Variants in TBCK observed in about 807,000 individuals in gnomAD.
TBCK encodes TBC1 domain containing kinase, also known as TBC domain-containing protein kinase-like protein.
A neutral mutation model predicts 113.4 loss-of-function variants in TBCK; 99 were observed. That is an observed-to-expected ratio of 0.87 (90% CI 0.74 to 1.03). The LOEUF (loss-of-function observed/expected upper bound fraction) is 1.03. Ranked by LOEUF, TBCK falls within the 50% of genes least tolerant of loss-of-function variation. The probability of loss-of-function intolerance (pLI) is 0.00; values close to 1 mark genes in which losing one functional copy is unlikely to be tolerated. For missense variants in TBCK, 1,045 were observed against 1,061.3 expected (o/e 0.98, Z 0.21); for synonymous variants, 369 against 370.8 (o/e 1.00, Z 0.05).
chr4:106,183,652 T>A (rs1752664905), intron 22 of TBCK, among the ~76,000 whole-genome samples: 1 of 152,068 alleles, frequency 6.6e-6, no homozygotes, highest in Non-Finnish European at 1.5e-5. Context: ...GGACACAATT[T>A]CCTGACCAGC....
chr4:106,235,398 T>C, intron 14 of TBCK, 31 bp from the exon 15 acceptor site: 1 of 1,445,854 alleles, frequency 6.9e-7, no homozygotes, highest in Non-Finnish European at 9.5e-7. Flanking sequence ...TGAAAACGTC[T>C]CAAATTACCT....
intron 25 of TBCK, among the ~76,000 whole-genome samples, chr4:106,073,012 G>A (rs1198002125): frequency 6.6e-6 from 1 of 152,116 alleles, no homozygotes; most frequent in Non-Finnish European, 1.5e-5. Flanking sequence ...CCTTTTTCAA[G>A]GATTTTAGCT....
intron 24 of TBCK, among the ~76,000 whole-genome samples, chr4:106,115,416 T>A (rs1235169607): frequency 1.3e-5 from 2 of 152,200 alleles, no homozygotes; most frequent in Non-Finnish European, 2.9e-5. Flanking sequence ...TTTTAGCATA[T>A]AAGAAACCAT....
chr4:106,107,887 A>G (rs1742366439), intron 24 of TBCK, among the ~76,000 whole-genome samples: 1 of 152,208 alleles, frequency 6.6e-6, no homozygotes, highest in Non-Finnish European at 1.5e-5. Context: ...GCCACTAGCT[A>G]GACTAAGAAG....
chr4:106,272,427 AT>A (rs931618439), intron 3 of TBCK, among the ~76,000 whole-genome samples: 5 of 150,264 alleles, frequency 3.3e-5, no homozygotes, highest in South Asian at 2.1e-4. Context: ...GCTGATGACA[AT>A]TTTTTTTTCA....
At chr4:106,201,719 T>C (rs999869528) in intron 20 of TBCK, among the ~76,000 whole-genome samples, 1 of 151,936 alleles carries the variant, frequency 6.6e-6, no homozygotes, top group African/African-American at 2.4e-5. Flanking sequence ...GGGGGATAAT[T>C]TTCTTGATTT....
intron 5 of TBCK, among the ~76,000 whole-genome samples, chr4:106,258,014 T>A (rs1470935966): frequency 1.3e-5 from 2 of 152,068 alleles, no homozygotes; most frequent in African/African-American, 4.8e-5. Context: ...TACAGGTAAA[T>A]TGTTATATCA....
intron 20 of TBCK, among the ~76,000 whole-genome samples, chr4:106,205,029 T>A (rs1222284492): frequency 2.0e-5 from 3 of 151,390 alleles, no homozygotes; most frequent in Non-Finnish European, 4.4e-5. Flanking sequence ...CCTCCCAAAG[T>A]GCTGGGATTA....
At chr4:106,309,305 CTTTTTTTT>C (rs536969885) in intron 1 of TBCK, among the ~76,000 whole-genome samples, 14 of 103,164 alleles carry the variant, frequency 1.4e-4, no homozygotes, top group South Asian at 6.2e-4. Context: ...AGGCTCTTCT[CTTTTTTTT>C]TTTTTTTTTT....
Position 106,308,834 on chromosome 4 carries a change from G to C in TBCK, c.127C>G (p.Gln43Glu). 1.9e-6 allele frequency: 3 copies of C among 1,614,172 alleles called. No individual in the cohort carries two copies. Among genetic ancestry groups the C allele is most frequent in the Non-Finnish European group, 2.5e-6 (3 of 1,180,016 alleles). ...PNSIKILGRF[Q>E]ILKTITHPRL... ...GGATGGGTGATGGTTTTAAGGATTTGAAAGCGCCCTAAAATTTTGATGGAA... is the reference window on the plus strand; with the variant it reads ...GGATGGGTGATGGTTTTAAGGATTTCAAAGCGCCCTAAAATTTTGATGGAA... The change falls in exon 2 of 26, where the codon CAA becomes GAA. Residue 43 changes from glutamine to glutamate, a missense_variant. Transcript: ENST00000394708.
chr4:106,112,283 A>T (rs572663027), intron 24 of TBCK, among the ~76,000 whole-genome samples: 1 of 152,292 alleles, frequency 6.6e-6, no homozygotes, highest in African/African-American at 2.4e-5. Flanking sequence ...TTATCTATGG[A>T]CCTGCAAATA....
At chr4:106,212,879 C>T (rs372666421) in intron 19 of TBCK, 44 bp from the exon 20 acceptor site, 10 of 1,176,460 alleles carry the variant, frequency 8.5e-6, no homozygotes, top group Non-Finnish European at 1.1e-5. Flanking sequence ...TTACACAGTA[C>T]TCCAAGAACA....
At position 106,074,123 on chromosome 4, in the gene TBCK, G is replaced by A. The variant is rs183807386; in HGVS notation, c.2571+21359C>T. ...AGCTTGCCCATGGGCTGCACCCACT[G>A]TCCAAGCAGTCCCAATGAGATGAAC... On this transcript the variant is annotated intron_variant, in intron 25 of 25. Coordinates refer to ENST00000394708, the MANE Select transcript of TBCK (RefSeq NM_001163435.3). Among the ~76,000 whole-genome samples, 235 of 152,254 alleles carry A rather than the reference G, an allele frequency of 1.5e-3. 1 individual carries two copies. Among genetic ancestry groups the A allele is most frequent in the African/African-American group, 5.5e-3 (228 of 41,564 alleles).
At chr4:106,274,679 G>C (rs950744379) in intron 3 of TBCK, among the ~76,000 whole-genome samples, 4 of 152,166 alleles carry the variant, frequency 2.6e-5, no homozygotes, top group Non-Finnish European at 5.9e-5. Context: ...GGAGAGAGAA[G>C]GCGAGGGACT....
chr4:106,276,675 C>A (rs1764057665), intron 3 of TBCK, among the ~76,000 whole-genome samples: 1 of 152,078 alleles, frequency 6.6e-6, no homozygotes, highest in Non-Finnish European at 1.5e-5. Flanking sequence ...GGTTGATCAC[C>A]TGAGGTCAAG....
At chr4:106,071,808 T>C (rs1286888620) in intron 25 of TBCK, among the ~76,000 whole-genome samples, 1 of 152,232 alleles carries the variant, frequency 6.6e-6, no homozygotes, top group African/African-American at 2.4e-5. Flanking sequence ...ATATTTAGGA[T>C]AGTTAGCTCT....
intron 22 of TBCK, among the ~76,000 whole-genome samples, chr4:106,175,024 G>A (rs138965082): frequency 1.3e-5 from 2 of 151,946 alleles, no homozygotes; most frequent in African/African-American, 4.8e-5. Flanking sequence ...CTACTTAGGA[G>A]GCTGAGACAC....
At chr4:106,050,565 A>C (rs1008105600) in intron 25 of TBCK, among the ~76,000 whole-genome samples, 2 of 152,076 alleles carry the variant, frequency 1.3e-5, no homozygotes, top group Non-Finnish European at 2.9e-5. Context: ...ACTCTTTCTA[A>C]ATTAAGCAAT....
At chr4:106,091,250 C>T (rs1453630772) in intron 25 of TBCK, among the ~76,000 whole-genome samples, 1 of 152,154 alleles carries the variant, frequency 6.6e-6, no homozygotes, top group African/African-American at 2.4e-5. Flanking sequence ...TGAGCAGGAA[C>T]AAGAGAAAGG....
Sources: gnomAD v4.1 joint callset for allele counts (sites outside exome capture counted in the v4.1 genomes callset) on GRCh38, gnomAD v4.1.1 for gene constraint, MANE v1.5 for transcripts, NCBI Gene and HGNC (gene_info 2026-07-23, HGNC 2026-07-21) for gene names.